The following CDC23 variants were observed in gnomAD, a reference collection of about 807,000 sequenced individuals.
CDC23 encodes cell division cycle 23, also known as cell division cycle protein 23 homolog.
A neutral mutation model predicts 81.7 loss-of-function variants in CDC23; 26 were observed. That is an observed-to-expected ratio of 0.32 (90% CI 0.23 to 0.44). The LOEUF (loss-of-function observed/expected upper bound fraction) is 0.44, where lower values mean the gene tolerates loss of function less well. CDC23 is among the 20% of genes least tolerant of loss of function. CDC23 has a pLI of 1.00. For synonymous variants in CDC23, 267 were observed against 270.8 expected (o/e 0.99, Z 0.14); for missense variants, 519 against 728.0 (o/e 0.71, Z 3.30).
chr5:138,195,209 A>C (rs535471179), intron 9 of CDC23, among the ~76,000 whole-genome samples: 2 of 152,046 alleles, frequency 1.3e-5, no homozygotes, highest in South Asian at 4.1e-4. Flanking sequence ...GTATATATAC[A>C]TATTCCTTTT....
At chr5:138,211,167 G>A (rs909503054) in intron 2 of CDC23, among the ~76,000 whole-genome samples, 1 of 152,198 alleles carries the variant, frequency 6.6e-6, no homozygotes, top group African/African-American at 2.4e-5. Flanking sequence ...TATACACCAT[G>A]GAATACGACA....
chr5:138,189,714 G>A lies in CDC23; in HGVS notation c.1542C>T (p.Arg514=). ...ACTTAAAATAGTACTGGGCCAGATAGCGAAAGGCAGTGCTTTCCTCCAAGT... is the reference window on the plus strand; with the variant it reads ...ACTTAAAATAGTACTGGGCCAGATAACGAAAGGCAGTGCTTTCCTCCAAGT... ...VEHLEESTAF[R]YLAQYYFKCK... Residue 514 remains arginine, a synonymous_variant, in exon 15 of 16, where the codon CGC becomes CGT. Transcript: ENST00000394886. 1 of 1,614,004 alleles carries A rather than the reference G, an allele frequency of 6.2e-7. No individual in the cohort carries two copies. Among genetic ancestry groups the A allele is most frequent in the Non-Finnish European group, 8.5e-7 (1 of 1,179,936 alleles).
At position 138,213,256 on chromosome 5, in the gene CDC23, G is replaced by A; in HGVS notation, c.57C>T (p.Val19=). The A allele has an allele frequency of 6.2e-7, 1 of 1,614,010 alleles. No individual in the cohort carries two copies. The change falls in exon 1 of 16, where the codon GTC becomes GTT. Residue 19 remains valine (V), a synonymous_variant. Transcript: ENST00000394886. The part of the protein sequence containing the change: ...PVAVTAAVAP[V]LSINSDFSDL... The stretch of plus-strand genomic sequence containing the variant: ...CTGAGAAATCGCTGTTTATGGACAG[G>A]ACAGGCGCCACTGCCGCCGTCACAG...
Position 138,188,402 on chromosome 5 carries a change from G to C in CDC23, c.*576C>G, listed in dbSNP as rs1054935382. 1 of 152,028 alleles carries C rather than the reference G, an allele frequency of 6.6e-6. No individual in the cohort carries two copies. Among genetic ancestry groups the C allele is most frequent in the African/African-American group, 2.4e-5 (1 of 41,360 alleles). The allele number at this position is 152,028 out of a possible 1,614,324, so 9.4% of individuals were successfully genotyped here. A position where few individuals can be genotyped will look rare whatever the true frequency, so the allele number is the denominator to read the frequency against. On this transcript the variant is annotated 3_prime_UTR_variant, in exon 16 of 16. Transcript: ENST00000394886. ...TACTTCCAATTTGAAAGCTTTAGAA[G>C]ACCCCCCCAAAACTGTTTTGGAAGA...
intron 9 of CDC23, among the ~76,000 whole-genome samples, chr5:138,195,120 G>A (rs1026272506): frequency 6.6e-6 from 1 of 151,762 alleles, no homozygotes; most frequent in African/African-American, 2.4e-5. Flanking sequence ...AAATACTGTT[G>A]AATGAGAAAA....
intron 9 of CDC23, among the ~76,000 whole-genome samples, chr5:138,196,263 C>T (rs1164467161): frequency 1.3e-5 from 2 of 151,406 alleles, no homozygotes; most frequent in Non-Finnish European, 2.9e-5. Flanking sequence ...AAAAAAGAAG[C>T]TTCTTAATAA....
chr5:138,201,801 C>A (rs1233864400), intron 4 of CDC23, among the ~76,000 whole-genome samples: 1 of 152,300 alleles, frequency 6.6e-6, no homozygotes, highest in East Asian at 1.9e-4. Flanking sequence ...CTGTTAGACC[C>A]ACACAGTTTT....
At chr5:138,193,354 G>A (rs1230237391) in intron 9 of CDC23, among the ~76,000 whole-genome samples, 1 of 152,090 alleles carries the variant, frequency 6.6e-6, no homozygotes, top group East Asian at 1.9e-4. Context: ...CCAGCACTTT[G>A]GGAGGCCAAG....
intron 13 of CDC23, among the ~76,000 whole-genome samples, chr5:138,190,455 C>G (rs1472434279): frequency 6.8e-6 from 1 of 146,060 alleles, no homozygotes; most frequent in Non-Finnish European, 1.5e-5. Flanking sequence ...GAGACTCTGA[C>G]TCCAAAAAAA....
rs1400211618 is a variant in CDC23, at chr5:138,202,301, GAC to G, written c.373-148_373-147del. 11 of 616,184 alleles carry G rather than the reference GAC, an allele frequency of 1.8e-5. No homozygotes were observed. The East Asian group carries it at 2.4e-4, about 13-fold the overall frequency. The allele number at this position is 616,184 out of a possible 1,614,324, so 38.2% of individuals were successfully genotyped here. On this transcript the variant is annotated intron_variant, in intron 3 of 15. Coordinates refer to ENST00000394886, the MANE Select transcript of CDC23 (RefSeq NM_004661.4). ...ATTATTTATTTATTTATTTATTTGA[GAC>G]AGTCTCACTTTGCTTTGTTGCCCAG...
At chr5:138,197,184 T>A (rs761324981) in intron 9 of CDC23, among the ~76,000 whole-genome samples, 12 of 149,590 alleles carry the variant, frequency 8.0e-5, no homozygotes, top group Non-Finnish European at 1.6e-4. Context: ...CAGGCACCTG[T>A]AGTCCCAGCT....
intron 12 of CDC23, 109 bp from the exon 13 acceptor site, chr5:138,191,644 G>C (rs1754828284): frequency 8.8e-7 from 1 of 1,133,698 alleles, no homozygotes. Context: ...TTTATAGAAT[G>C]CAAGACATTT....
Position 138,213,316 on chromosome 5 carries a change from C to T in CDC23, c.-4G>A, listed in dbSNP as rs373992844. Reference sequence around the variant, plus strand: ...CCATGGAGGTACTCGCAGCCATTTTCCCGACTCGGGCCACTCCAGCCAATC... The same window carrying T: ...CCATGGAGGTACTCGCAGCCATTTTTCCGACTCGGGCCACTCCAGCCAATC... On this transcript the variant is annotated 5_prime_UTR_variant, in exon 1 of 16. Transcript: ENST00000394886. 7.4e-6 allele frequency: 12 copies of T among 1,613,284 alleles called. No individual in the cohort carries two copies. The African/African-American group carries it at 1.6e-4, about 22-fold the overall frequency.
intron 9 of CDC23, among the ~76,000 whole-genome samples, chr5:138,197,156 A>T (rs1754921893): frequency 6.7e-6 from 1 of 150,342 alleles, no homozygotes; most frequent in South Asian, 2.1e-4. Context: ...AATACAAAAA[A>T]TTAGCCGGGC....
intron 3 of CDC23, among the ~76,000 whole-genome samples, chr5:138,202,929 C>A (rs1006765851): frequency 6.6e-6 from 1 of 152,112 alleles, no homozygotes; most frequent in African/African-American, 2.4e-5. Context: ...AAAATGTTAT[C>A]CGCACAGACT....
intron 3 of CDC23, 94 bp from the exon 4 acceptor site, chr5:138,202,249 C>A: frequency 1.2e-6 from 1 of 835,790 alleles, no homozygotes; most frequent in South Asian, 1.6e-5. Context: ...GGGCCAAGTT[C>A]AACCAAAATG....
At position 138,213,185 on chromosome 5, in the gene CDC23, G is replaced by T. The variant is rs1236216703; in HGVS notation, c.128C>A (p.Thr43Asn). Residue 43 changes from threonine to asparagine, a missense_variant, in exon 1 of 16, where the codon ACC (threonine) becomes AAC (asparagine). Thr to Asn is a moderately conservative substitution (Grantham distance 65, BLOSUM62 0). This residue lies in a region of CDC23 where 126 missense variants were observed against 116.2 expected (regional missense o/e 1.08). Coordinates refer to ENST00000394886, the MANE Select transcript of CDC23 (RefSeq NM_004661.4). The stretch of plus-strand genomic sequence containing the variant: ...ACTGTGTAGTAGGCCCCGCTCCCGG[G>T]TAAGGCCCGCAATAAGCAGCAGTTG... ...KKQLLLIAGL[T>N]RERGLLHSSK... 3 of 1,614,146 alleles carry T rather than the reference G, an allele frequency of 1.9e-6. No homozygotes were observed. The highest frequency in any genetic ancestry group is 2.5e-6 in the Non-Finnish European group (3 of 1,180,030).
chr5:138,195,535 T>TA (rs1754876209), intron 9 of CDC23, among the ~76,000 whole-genome samples: 1 of 117,632 alleles, frequency 8.5e-6, no homozygotes, highest in East Asian at 2.1e-4. Flanking sequence ...AAATTATATA[T>TA]ATTTATATAT....
rs1215104775 is a variant in CDC23 at position 138,213,140 on chromosome 5, C to G, written c.161+12G>C. On this transcript the variant is annotated intron_variant, in intron 1 of 15. Transcript: ENST00000394886. ...GATCCAAGCCCCGTCCCTTCCCACT[C>G]CAACATCTCACCATTTGCTACTGTG... 37 of 1,614,066 alleles carry G rather than the reference C, an allele frequency of 2.3e-5. No homozygotes were observed. The highest frequency in any genetic ancestry group is 1.6e-4 in the Middle Eastern group (1 of 6,084).
Sources: allele counts gnomAD v4.1 joint callset (sites outside exome capture counted in the v4.1 genomes callset), GRCh38; gene constraint gnomAD v4.1.1; regional missense constraint gnomAD v4.1.1; transcripts MANE v1.5; gene names NCBI Gene and HGNC (gene_info 2026-07-23, HGNC 2026-07-21).